Variants in ANK1 observed in about 807,000 individuals in gnomAD.
The protein encoded by ANK1 is ankyrin-1.
A neutral mutation model predicts 210.4 loss-of-function variants in ANK1; 51 were observed. That is an observed-to-expected ratio of 0.24 (90% CI 0.19 to 0.31). ANK1 has a LOEUF of 0.31. Among genes scored for constraint, ANK1 ranks in the 10% least tolerant of loss-of-function variants. ANK1 has a pLI of 1.00. For synonymous variants in ANK1, 967 were observed against 1,025.9 expected, an observed-to-expected ratio of 0.94 and a Z score of 1.10; for missense variants, 2,051 against 2,504.4, an observed-to-expected ratio of 0.82 and a Z score of 3.86.
chr8:41,817,800 G>A (rs181041056), intron 1 of ANK1, among the ~76,000 whole-genome samples: 115 of 152,316 alleles, frequency 7.6e-4, no homozygotes, highest in Non-Finnish European at 8.5e-4. Flanking sequence ...AAACAAACAT[G>A]CTTTTCACCA....
At chr8:41,855,077 T>C (rs1253255299) in intron 1 of ANK1, among the ~76,000 whole-genome samples, 3 of 152,240 alleles carry the variant, frequency 2.0e-5, no homozygotes, top group Admixed American at 1.3e-4. Context: ...TGCTCTAGTA[T>C]GCAGAGCTCA....
chr8:41,804,614 A>T (rs1255452734), intron 1 of ANK1, among the ~76,000 whole-genome samples: 2 of 152,168 alleles, frequency 1.3e-5, no homozygotes, highest in Non-Finnish European at 2.9e-5. Flanking sequence ...GTCTTTTTCA[A>T]TGAGAGGGTA....
intron 37 of ANK1, among the ~76,000 whole-genome samples, chr8:41,682,679 G>C (rs569344973): frequency 6.6e-6 from 1 of 152,326 alleles, no homozygotes; most frequent in East Asian, 1.9e-4. Context: ...CTGTGGCCCG[G>C]GGAGATGCTC....
rs754181369 is a variant in ANK1 at position 41,695,224 on chromosome 8, C to T, written c.3068G>A (p.Arg1023His). The change falls in exon 27 of 43, where the codon CGC becomes CAC. Residue 1023 changes from arginine to histidine, a missense_variant. By Grantham distance (29) the Arg-to-His change is conservative. This residue lies in a region of ANK1 where 1,413 missense variants were observed against 1,707.4 expected (regional missense o/e 0.83). Transcript: ENST00000289734. ...CTGATCCAGGTAGCTCTCTCCATAG[C>T]GGCTCCTGTGCTCCTTCCACACGGA... ...NGSVWKEHRS[R>H]YGESYLDQIL... 2.7e-5 allele frequency: 43 copies of T among 1,614,020 alleles called. No homozygotes were observed. Among genetic ancestry groups the T allele is most frequent in the Middle Eastern group, 1.6e-4 (1 of 6,084 alleles).
intron 24 of ANK1, among the ~76,000 whole-genome samples, chr8:41,697,029 C>A (rs1269177086): frequency 6.6e-6 from 1 of 152,184 alleles, no homozygotes; most frequent in Non-Finnish European, 1.5e-5. Context: ...TGGAGCCAGT[C>A]CTCACTGTTC....
rs757675326 is a variant in ANK1 at position 41,688,220 on chromosome 8, A to G, written c.4194T>C (p.Ser1398=). ...TCTTCATCTCTGCCTGCTCTGTCCC[A>G]CTGAGAGAACCTGGGGAGAAGCATT... ...ILSESTPGSL[S]GTEQAEMKMA... is the part of the protein sequence containing the mutation. The change falls in exon 35 of 43, where the codon AGT becomes AGC. Residue 1398 remains serine (S), a synonymous_variant. Transcript: ENST00000289734. 5.6e-6 allele frequency: 9 copies of G among 1,614,164 alleles called. No individual in the cohort carries two copies. Among genetic ancestry groups the G allele is most frequent in the Non-Finnish European group, 8.5e-7 (1 of 1,180,026 alleles).
intron 1 of ANK1, among the ~76,000 whole-genome samples, chr8:41,818,707 C>G (rs1803713966): frequency 6.6e-6 from 1 of 151,186 alleles, no homozygotes. Flanking sequence ...TGGTCTTGAA[C>G]TCGTGGGTTT....
At chr8:41,881,744 A>G (rs747258855) in intron 1 of ANK1, among the ~76,000 whole-genome samples, 2 of 152,306 alleles carry the variant, frequency 1.3e-5, no homozygotes, top group Non-Finnish European at 2.9e-5. Flanking sequence ...TCTGGCTCTC[A>G]TTAGACATGT....
intron 1 of ANK1, among the ~76,000 whole-genome samples, chr8:41,852,521 C>T (rs929571948): frequency 2.6e-5 from 4 of 152,218 alleles, no homozygotes; most frequent in Non-Finnish European, 5.9e-5. Flanking sequence ...CTGGGAGAGG[C>T]CCCAAGTGGC....
At chr8:41,760,720 A>G (rs561062515) in intron 1 of ANK1, among the ~76,000 whole-genome samples, 42 of 152,136 alleles carry the variant, frequency 2.8e-4, no homozygotes, top group African/African-American at 1.0e-3. Flanking sequence ...TCCCCTTTTC[A>G]TGATGCTTAA....
chr8:41,688,478 G>C, intron 34 of ANK1, 33 bp downstream of exon 34: 2 of 1,607,068 alleles, frequency 1.2e-6, no homozygotes, highest in Non-Finnish European at 1.7e-6. Flanking sequence ...CTTGGGAAGG[G>C]AGCAAGCATG....
Position 41,694,984 on chromosome 8 carries a change from C to T in ANK1, c.3116-181G>A, listed in dbSNP as rs547449502. On this transcript the variant is annotated intron_variant, in intron 27 of 42. Transcript: ENST00000289734. The surrounding 1 kb of genome is among the most constrained non-coding windows in gnomAD (Gnocchi z 5.7). ...GCCCAGGCCCAGAGGCCCAGCAGAG[C>T]AGATGCGGCTGCAGGCAGCCGCTGA... Among the ~76,000 whole-genome samples, 17 of 152,274 alleles carry T rather than the reference C, an allele frequency of 1.1e-4. No individual in the cohort carries two copies. The East Asian group carries it at 2.9e-3, about 26-fold the overall frequency.
In ANK1 at chr8:41,894,602, C is replaced by T. The variant is rs757027676; in HGVS notation, c.126+1753G>A. ...ATTTTCAAAAAATGATATATGGTGTCGGGAGTGTCAAGGAGGAAGGCTGCG... is the reference window on the plus strand; with the variant it reads ...ATTTTCAAAAAATGATATATGGTGTTGGGAGTGTCAAGGAGGAAGGCTGCG... On this transcript the variant is annotated intron_variant, in intron 1 of 42. Transcript: ENST00000265709. Among the ~76,000 whole-genome samples the T allele has an allele frequency of 7.7e-4, 117 of 151,910 alleles. 5 individuals carry two copies. Among genetic ancestry groups the T allele is most frequent in the African/African-American group, 6.3e-4 (26 of 41,354 alleles).
intron 16 of ANK1, among the ~76,000 whole-genome samples, chr8:41,711,664 T>C (rs1412111103): frequency 6.6e-6 from 1 of 152,254 alleles, no homozygotes; most frequent in Non-Finnish European, 1.5e-5. Flanking sequence ...AATCTCGGAA[T>C]CTGCCTATAA....
rs200950351 is a variant in ANK1, at chr8:41,676,014, C to T, written c.4538-3102G>A. Among the ~76,000 whole-genome samples, 9 of 152,168 alleles carry T rather than the reference C, an allele frequency of 5.9e-5. No homozygotes were observed. The East Asian group carries it at 1.5e-3, about 26-fold the overall frequency. On this transcript the variant is annotated intron_variant, in intron 37 of 42. Transcript: ENST00000289734. ...ATATCACAGTTTGTAAATTTATTTA[C>T]CTGCCAATGGACATTTGGGCTGCTT...
At chr8:41,767,856 G>A (rs900980937) in intron 1 of ANK1, among the ~76,000 whole-genome samples, 1 of 152,182 alleles carries the variant, frequency 6.6e-6, no homozygotes, top group African/African-American at 2.4e-5. Context: ...TTGCCGAGAC[G>A]TGGCCGGGGT....
intron 1 of ANK1, among the ~76,000 whole-genome samples, chr8:41,758,510 T>A (rs1049725779): frequency 7.0e-6 from 1 of 141,908 alleles, no homozygotes; most frequent in African/African-American, 2.6e-5. Context: ...TTTTTTAAAC[T>A]TTTTTTTTTT....
chr8:41,680,101 T>C (rs997050561), intron 37 of ANK1, among the ~76,000 whole-genome samples: 2 of 152,194 alleles, frequency 1.3e-5, no homozygotes, highest in African/African-American at 4.8e-5. Context: ...CTCCTTGGAT[T>C]TGGCTGGATG....
At chr8:41,881,627 C>T (rs894157355) in intron 1 of ANK1, among the ~76,000 whole-genome samples, 5 of 152,236 alleles carry the variant, frequency 3.3e-5, no homozygotes, top group Admixed American at 3.3e-4. Context: ...TTCTGCCTCT[C>T]ACTTTTTTCC....
Sources: gnomAD v4.1 joint callset for allele counts (sites outside exome capture counted in the v4.1 genomes callset) on GRCh38, gnomAD v4.1.1 for gene constraint, gnomAD v4.1.1 regional missense constraint, Gnocchi (gnomAD v3.1) non-coding constraint, MANE v1.5 for transcripts, NCBI Gene and HGNC (gene_info 2026-07-23, HGNC 2026-07-21) for gene names.